PLXNA4: variants seen among roughly 807,000 people sequenced by gnomAD.
PLXNA4 encodes plexin-A4.
In PLXNA4, 44 loss-of-function variants were observed where a neutral mutation model predicts 191.8. That is an observed-to-expected ratio of 0.23 (90% confidence interval 0.18 to 0.29). PLXNA4 has a LOEUF of 0.29. Ranked by LOEUF, PLXNA4 falls within the 10% of genes least tolerant of loss-of-function variation. PLXNA4 has a pLI of 1.00. For synonymous variants in PLXNA4, 1,082 were observed against 1,009.5 expected, an observed-to-expected ratio of 1.07 and a Z score of -1.36; for missense variants, 1,800 against 2,488.8, an observed-to-expected ratio of 0.72 and a Z score of 5.89.
At chr7:132,555,045 G>GAAAAAAAAAAAACAAAA (rs1554467852) in intron 1 of PLXNA4, among the ~76,000 whole-genome samples, 1 of 111,938 alleles carries the variant, frequency 8.9e-6, no homozygotes, top group Admixed American at 9.6e-5. Flanking sequence ...AAACCTGAAG[G>GAAAAAAAAAAAACAAAA]AAAAAAAAAA....
chr7:132,392,058 G>A (rs1793516824), intron 3 of PLXNA4, among the ~76,000 whole-genome samples: 1 of 152,024 alleles, frequency 6.6e-6, no homozygotes, highest in African/African-American at 2.4e-5. Flanking sequence ...ACCCTGGGAG[G>A]CAGAGGTTGC....
chr7:132,151,471 A>G (rs1427059055), intron 25 of PLXNA4, among the ~76,000 whole-genome samples: 138 of 3,726 alleles, frequency 0.037, no homozygotes, highest in East Asian at 0.054. Context: ...GGAGGAGGAG[A>G]AAGGAGGAGG....
At chr7:132,390,687 T>C (rs1171953755) in intron 3 of PLXNA4, among the ~76,000 whole-genome samples, 2 of 152,120 alleles carry the variant, frequency 1.3e-5, no homozygotes, top group African/African-American at 4.8e-5. Context: ...GCTTCTTCTC[T>C]GCCCCATGAG....
chr7:132,501,658 G>A (rs978344933), intron 2 of PLXNA4, among the ~76,000 whole-genome samples: 1 of 152,202 alleles, frequency 6.6e-6, no homozygotes, highest in African/African-American at 2.4e-5. Flanking sequence ...AACCCTGCTG[G>A]CCAAAAAGAG....
At chr7:132,555,045 G>GAAAAAAAAAAACAAC (rs1800731122) in intron 1 of PLXNA4, among the ~76,000 whole-genome samples, 9 of 111,926 alleles carry the variant, frequency 8.0e-5, no homozygotes, top group Non-Finnish European at 1.4e-4. Context: ...AAACCTGAAG[G>GAAAAAAAAAAACAAC]AAAAAAAAAA....
chr7:132,187,230 G>T (rs1478242939), intron 15 of PLXNA4, among the ~76,000 whole-genome samples: 1 of 152,114 alleles, frequency 6.6e-6, no homozygotes, highest in Non-Finnish European at 1.5e-5. Context: ...TTTTCAGGGA[G>T]ACTGATTTGA....
chr7:132,364,586 C>G (rs988396017), intron 3 of PLXNA4, among the ~76,000 whole-genome samples: 1 of 152,200 alleles, frequency 6.6e-6, no homozygotes, highest in Admixed American at 6.5e-5. Context: ...CTTAAAAGGG[C>G]CCACAGAGGG....
chr7:132,344,462 A>G (rs1803162641), intron 3 of PLXNA4, among the ~76,000 whole-genome samples: 1 of 152,210 alleles, frequency 6.6e-6, no homozygotes, highest in South Asian at 2.1e-4. Flanking sequence ...TTACCCCTGC[A>G]GAGCAGGTGT....
intron 3 of PLXNA4, chr7:132,383,558 T>G: frequency 1.0e-6 from 1 of 983,528 alleles, no homozygotes; most frequent in Non-Finnish European, 1.2e-6. Flanking sequence ...GTCTCATGCT[T>G]TTTCACTGAA....
At position 132,151,318 on chromosome 7, in the gene PLXNA4, AGGAGGAGGAAGAAG is replaced by A. The variant is rs1562884927; in HGVS notation, c.4661-2686_4661-2673del. Among the ~76,000 whole-genome samples the A allele has an allele frequency of 8.7e-3, 677 of 77,796 alleles. 14 individuals carry two copies. The highest frequency in any genetic ancestry group is 0.015 in the Non-Finnish European group (418 of 28,460). The allele number at this position is 77,796 out of a possible 152,430, so 51.0% of individuals were successfully genotyped here. A position where few individuals can be genotyped will look rare whatever the true frequency, so the allele number is the denominator to read the frequency against. ...AGAAGAAGGAGGAGGAAGAAGGAGGAGGAGGAGGAAGAAGAAGGAGGAGGAGGAGGAAGAAGAAG... is the reference window on the plus strand; with the variant it reads ...AGAAGAAGGAGGAGGAAGAAGGAGGAAAGGAGGAGGAGGAGGAAGAAGAAG... On this transcript the variant is annotated intron_variant, in intron 25 of 31. Coordinates refer to ENST00000321063, the MANE Select transcript of PLXNA4 (RefSeq NM_020911.2).
chr7:132,395,424 C>A (rs1793714626), intron 3 of PLXNA4, among the ~76,000 whole-genome samples: 1 of 152,164 alleles, frequency 6.6e-6, no homozygotes, highest in African/African-American at 2.4e-5. Flanking sequence ...TTGGGAGGGA[C>A]CCCAGAGAGA....
chr7:132,149,831 C>G (rs1795544621), intron 25 of PLXNA4, among the ~76,000 whole-genome samples: 1 of 152,204 alleles, frequency 6.6e-6, no homozygotes, highest in African/African-American at 2.4e-5. Flanking sequence ...CCTCGTTTCC[C>G]TCCTGCCAAG....
At chr7:132,435,307 G>C (rs1298245520) in intron 3 of PLXNA4, among the ~76,000 whole-genome samples, 2 of 152,112 alleles carry the variant, frequency 1.3e-5, no homozygotes, top group African/African-American at 4.8e-5. Flanking sequence ...GGTGGGGAGG[G>C]GGGAGAGATT....
chr7:132,636,438 T>A (rs1442486254), intron 2 of PLXNA4, among the ~76,000 whole-genome samples: 1 of 152,192 alleles, frequency 6.6e-6, no homozygotes, highest in Non-Finnish European at 1.5e-5. Flanking sequence ...TATGGTTTTC[T>A]AAGAATCTGT....
chr7:132,310,056 G>A (rs749842379), intron 3 of PLXNA4, among the ~76,000 whole-genome samples: 36 of 152,348 alleles, frequency 2.4e-4, no homozygotes, highest in Non-Finnish European at 4.4e-4. Context: ...GGTCAGTGGT[G>A]TAGAGCTTAA....
At chr7:132,577,796 C>G (rs1585382084), upstream of PLXNA4, among the ~76,000 whole-genome samples, 2 of 152,166 alleles carry the variant, frequency 1.3e-5, no homozygotes, top group Admixed American at 1.3e-4. Context: ...TCAGAGCTGA[C>G]ACAAGCGCAC....
chr7:132,231,902 G>T (rs1012181456), intron 5 of PLXNA4, among the ~76,000 whole-genome samples: 2 of 152,206 alleles, frequency 1.3e-5, no homozygotes, highest in African/African-American at 4.8e-5. Context: ...TTGTCAAAGG[G>T]TATTGAGAAC....
At position 132,352,618 on chromosome 7, in the gene PLXNA4, A is replaced by G. The variant is rs140871496; in HGVS notation, c.1372-54396T>C. Among the ~76,000 whole-genome samples the G allele has an allele frequency of 5.5e-4, 84 of 152,306 alleles. No individual in the cohort carries two copies. In the East Asian group the frequency reaches 0.012, roughly 22 times the overall value. On this transcript the variant is annotated intron_variant, in intron 3 of 31. Coordinates refer to ENST00000321063, the MANE Select transcript of PLXNA4 (RefSeq NM_020911.2). ...AACCTGAATACAGGAGGGATATGGG[A>G]AAAAGTTCACACACTATGGGGAAGC...
At chr7:132,237,163 T>C (rs1411061191) in intron 5 of PLXNA4, among the ~76,000 whole-genome samples, 1 of 152,244 alleles carries the variant, frequency 6.6e-6, no homozygotes, top group Admixed American at 6.5e-5. Context: ...TTTAAAATTG[T>C]ACCTTTATTA....
Sources: allele counts gnomAD v4.1 joint callset (sites outside exome capture counted in the v4.1 genomes callset), GRCh38; gene constraint gnomAD v4.1.1; transcripts MANE v1.5; gene names NCBI Gene and HGNC (gene_info 2026-07-23, HGNC 2026-07-21).